MTUS2: variants seen among roughly 807,000 people sequenced by gnomAD.
MTUS2 encodes the protein microtubule-associated tumor suppressor candidate 2.
MTUS2 carries 40 observed loss-of-function variants against 114.1 expected under a neutral mutation model. The observed-to-expected ratio is 0.35, with a 90% CI of 0.27 to 0.46. The LOEUF (loss-of-function observed/expected upper bound fraction) is 0.46, where lower values mean the gene tolerates loss of function less well. MTUS2 is among the 20% of genes least tolerant of loss of function. MTUS2 has a pLI of 1.00. For synonymous variants in MTUS2, 688 were observed against 672.0 expected, an observed-to-expected ratio of 1.02 and a Z score of -0.37; for missense variants, 1,679 against 1,705.4, an observed-to-expected ratio of 0.98 and a Z score of 0.27.
At chr13:28,871,209 G>A (rs977199900) in intron 2 of MTUS2, among the ~76,000 whole-genome samples, 9 of 152,028 alleles carry the variant, frequency 5.9e-5, no homozygotes, top group Non-Finnish European at 1.2e-4. Flanking sequence ...TTAACTTCTG[G>A]AAGAAAGGAC....
chr13:29,293,897 A>AG (rs200510397), intron 6 of MTUS2, among the ~76,000 whole-genome samples: 2,875 of 152,286 alleles, frequency 0.019, 81 homozygotes, highest in African/African-American at 0.065. Flanking sequence ...GTAAATTTAT[A>AG]GAAAAAGTTG....
At chr13:29,024,431 G>A (rs1886418814) in intron 2 of MTUS2, 26 bp from the exon 3 acceptor site, 3 of 399,978 alleles carry the variant, frequency 7.5e-6, no homozygotes, top group Non-Finnish European at 8.8e-6. Flanking sequence ...TCAATCTAAT[G>A]TGAATATATT....
intron 6 of MTUS2, among the ~76,000 whole-genome samples, chr13:29,292,600 G>A (rs754520873): frequency 5.3e-5 from 8 of 152,106 alleles, no homozygotes; most frequent in Non-Finnish European, 1.0e-4. Context: ...GGAGTTCACG[G>A]TACGATGGAT....
intron 9 of MTUS2, among the ~76,000 whole-genome samples, chr13:29,459,364 C>A (rs1220094097): frequency 1.3e-5 from 2 of 152,180 alleles, no homozygotes; most frequent in Non-Finnish European, 1.5e-5. Flanking sequence ...TACTTTACAT[C>A]CAACAGGTCA....
chr13:28,833,598 C>T (rs186077711), intron 1 of MTUS2, among the ~76,000 whole-genome samples: 127 of 152,198 alleles, frequency 8.3e-4, no homozygotes, highest in Non-Finnish European at 1.5e-3. Flanking sequence ...AAACCCACAG[C>T]TAACATCGTA....
chr13:29,173,236 A>G (rs1358644329), intron 5 of MTUS2, among the ~76,000 whole-genome samples: 1 of 152,072 alleles, frequency 6.6e-6, no homozygotes, highest in Non-Finnish European at 1.5e-5. Context: ...GTTTATGTTC[A>G]CAAAGAGAAA....
At chr13:29,397,677 G>C (rs2138473596) in intron 8 of MTUS2, among the ~76,000 whole-genome samples, 1 of 152,334 alleles carries the variant, frequency 6.6e-6, no homozygotes, top group South Asian at 2.1e-4. Flanking sequence ...CAGACCTCCA[G>C]TCATAGGTGG....
At chr13:28,876,501 G>A (rs1593263749) in intron 2 of MTUS2, among the ~76,000 whole-genome samples, 2 of 152,180 alleles carry the variant, frequency 1.3e-5, no homozygotes, top group Non-Finnish European at 2.9e-5. Context: ...GATGGCTGCA[G>A]CAGTTCCAAA....
intron 8 of MTUS2, among the ~76,000 whole-genome samples, chr13:29,382,219 C>T (rs1041537573): frequency 1.3e-5 from 2 of 152,148 alleles, no homozygotes; most frequent in Non-Finnish European, 1.5e-5. Flanking sequence ...CCTTGCAGCA[C>T]CTCCTAAGCA....
chr13:28,851,550 C>G (rs1374094366), intron 2 of MTUS2, among the ~76,000 whole-genome samples: 2 of 152,334 alleles, frequency 1.3e-5, no homozygotes, highest in South Asian at 2.1e-4. Context: ...TTCTTGCCCT[C>G]CAGGCACTTA....
At chr13:29,207,345 G>C (rs1466964375) in intron 5 of MTUS2, among the ~76,000 whole-genome samples, 2 of 152,036 alleles carry the variant, frequency 1.3e-5, no homozygotes, top group Non-Finnish European at 2.9e-5. Context: ...AGGGTTTCTA[G>C]GTATACCATT....
intron 5 of MTUS2, among the ~76,000 whole-genome samples, chr13:29,160,948 A>C (rs1381643267): frequency 1.3e-5 from 2 of 152,158 alleles, no homozygotes; most frequent in Non-Finnish European, 2.9e-5. Flanking sequence ...CATGTATAAA[A>C]CCTCAAAATG....
intron 7 of MTUS2, among the ~76,000 whole-genome samples, chr13:29,337,241 C>A (rs1434661755): frequency 6.6e-6 from 1 of 152,140 alleles, no homozygotes; most frequent in African/African-American, 2.4e-5. Context: ...GAATGGCCAC[C>A]CAGTTTTGTG....
chr13:29,372,997 A>G (rs1871314739), intron 8 of MTUS2, among the ~76,000 whole-genome samples: 1 of 152,244 alleles, frequency 6.6e-6, no homozygotes, highest in South Asian at 2.1e-4. Flanking sequence ...AAAGTATCAT[A>G]AAATTAGTGG....
At chr13:29,391,784 C>T (rs1433990439) in intron 8 of MTUS2, among the ~76,000 whole-genome samples, 1 of 152,012 alleles carries the variant, frequency 6.6e-6, no homozygotes, top group Non-Finnish European at 1.5e-5. Context: ...GTGTCCAATT[C>T]AGTGGCATTT....
chr13:29,369,253 G>C (rs1052908638), intron 8 of MTUS2, among the ~76,000 whole-genome samples: 1 of 152,126 alleles, frequency 6.6e-6, no homozygotes, highest in Non-Finnish European at 1.5e-5. Flanking sequence ...GTTCTGCCTC[G>C]TTTCAGCCCG....
intron 8 of MTUS2, among the ~76,000 whole-genome samples, chr13:29,409,568 G>A (rs1566185256): frequency 1.3e-5 from 2 of 152,054 alleles, no homozygotes; most frequent in Admixed American, 6.6e-5. Context: ...TGACACATTG[G>A]TTCTCCTATT....
At chr13:29,132,032 A>G (rs1274822726) in intron 5 of MTUS2, among the ~76,000 whole-genome samples, 2 of 152,244 alleles carry the variant, frequency 1.3e-5, no homozygotes, top group Non-Finnish European at 2.9e-5. Context: ...TGACCTCCCA[A>G]GATGACACTG....
intron 2 of MTUS2, among the ~76,000 whole-genome samples, chr13:28,892,890 C>A (rs912966122): frequency 2.6e-5 from 4 of 152,158 alleles, no homozygotes; most frequent in African/African-American, 9.7e-5. Flanking sequence ...AGGAGGACTT[C>A]TTTCCAATGC....
Sources: allele counts gnomAD v4.1 joint callset (sites outside exome capture counted in the v4.1 genomes callset), GRCh38; gene constraint gnomAD v4.1.1; transcripts MANE v1.5; gene names NCBI Gene and HGNC (gene_info 2026-07-23, HGNC 2026-07-21).